Variants in SLC13A1 observed in about 807,000 individuals in gnomAD.
SLC13A1 encodes Na(+)/sulfate cotransporter.
In SLC13A1, 65 loss-of-function variants were observed where a neutral mutation model predicts 70.0. The observed-to-expected ratio is 0.93, with a 90% CI of 0.76 to 1.14. The LOEUF (loss-of-function observed/expected upper bound fraction) is 1.14, where lower values mean the gene tolerates loss of function less well. Ranked by LOEUF, SLC13A1 falls within the 50% of genes most tolerant of loss-of-function variation. SLC13A1 has a pLI of 0.00. For synonymous variants in SLC13A1, 275 were observed against 250.5 expected (o/e 1.10, Z -0.92); for missense variants, 726 against 717.8 (o/e 1.01, Z -0.13).
intron 6 of SLC13A1, among the ~76,000 whole-genome samples, chr7:123,154,296 C>A (rs1377388267): frequency 6.6e-6 from 1 of 152,106 alleles, no homozygotes; most frequent in African/African-American, 2.4e-5. Context: ...CTTCTGTCTA[C>A]CATACATGTG....
chr7:123,125,559 G>A lies in SLC13A1; in HGVS notation c.1240+10C>T. 1 of 1,565,804 alleles carries A rather than the reference G, an allele frequency of 6.4e-7. No individual in the cohort carries two copies. Among genetic ancestry groups the A allele is most frequent in the Middle Eastern group, 1.7e-4 (1 of 5,924 alleles). On this transcript the variant is annotated intron_variant, in intron 11 of 14. Transcript: ENST00000194130. Reference sequence around the variant, plus strand: ...GTTAAATTTATGCAGAATTATAAATGATACTCAACCAATTTCTCCTGTAGG... The same window carrying A: ...GTTAAATTTATGCAGAATTATAAATAATACTCAACCAATTTCTCCTGTAGG...
At chr7:123,188,171 G>A (rs918256126) in intron 1 of SLC13A1, among the ~76,000 whole-genome samples, 2 of 152,134 alleles carry the variant, frequency 1.3e-5, no homozygotes, top group African/African-American at 4.8e-5. Context: ...CATGAGATCT[G>A]ATGGTTTTAT....
intron 3 of SLC13A1, among the ~76,000 whole-genome samples, chr7:123,170,091 A>G (rs1795219177): frequency 6.6e-6 from 1 of 152,144 alleles, no homozygotes; most frequent in South Asian, 2.1e-4. Context: ...ATAAACTTTC[A>G]AAGTCACACT....
intron 2 of SLC13A1, among the ~76,000 whole-genome samples, chr7:123,175,321 C>A (rs946289845): frequency 1.3e-5 from 2 of 152,076 alleles, no homozygotes; most frequent in African/African-American, 2.4e-5. Flanking sequence ...AGTCTTCTTA[C>A]AGGAGCTGAT....
intron 14 of SLC13A1, among the ~76,000 whole-genome samples, chr7:123,116,440 A>G (rs1298226047): frequency 6.6e-6 from 1 of 152,184 alleles, no homozygotes; most frequent in Non-Finnish European, 1.5e-5. Context: ...GGCCTCAAAT[A>G]TCATTTGCCT....
chr7:123,145,525 G>T (rs1219467191), intron 7 of SLC13A1, among the ~76,000 whole-genome samples: 1 of 152,122 alleles, frequency 6.6e-6, no homozygotes, highest in Non-Finnish European at 1.5e-5. Flanking sequence ...ACTAAGATGT[G>T]GAATCCCTTC....
chr7:123,190,595 T>C (rs1376963835), intron 1 of SLC13A1: 2 of 456,590 alleles, frequency 4.4e-6, no homozygotes, highest in Non-Finnish European at 8.8e-6. Flanking sequence ...CATCTTCATC[T>C]TGGAAAAGTC....
intron 6 of SLC13A1, among the ~76,000 whole-genome samples, chr7:123,155,499 C>A (rs1310005798): frequency 6.6e-6 from 1 of 151,904 alleles, no homozygotes; most frequent in Non-Finnish European, 1.5e-5. Flanking sequence ...CTTCTTCTTG[C>A]ATAGTCTCTG....
intron 9 of SLC13A1, 37 bp from the exon 10 acceptor site, chr7:123,128,983 CTCAG>C: frequency 1.4e-6 from 2 of 1,383,860 alleles, no homozygotes; most frequent in Non-Finnish European, 2.1e-6. Flanking sequence ...TTCTTATTTT[CTCAG>C]TCGGGACATT....
chr7:123,198,287 C>A (rs1213646783), intron 1 of SLC13A1, among the ~76,000 whole-genome samples: 3 of 146,976 alleles, frequency 2.0e-5, no homozygotes, highest in African/African-American at 7.4e-5. Context: ...GGAGACCTCA[C>A]AAGGAGCCGG....
intron 1 of SLC13A1, among the ~76,000 whole-genome samples, chr7:123,196,054 A>G (rs1461251646): frequency 1.3e-5 from 2 of 152,112 alleles, no homozygotes; most frequent in African/African-American, 4.8e-5. Context: ...AAGAGTAAAA[A>G]TTAACAAAAT....
At chr7:123,161,551 G>T (rs1794901772) in intron 6 of SLC13A1, among the ~76,000 whole-genome samples, 1 of 152,144 alleles carries the variant, frequency 6.6e-6, no homozygotes, top group African/African-American at 2.4e-5. Flanking sequence ...TGAGCAGCTA[G>T]CTGCGATACA....
chr7:123,122,503 C>T (rs753452647), intron 12 of SLC13A1, among the ~76,000 whole-genome samples: 4 of 152,032 alleles, frequency 2.6e-5, no homozygotes, highest in Non-Finnish European at 5.9e-5. Context: ...TGAGGGCCTC[C>T]CCAAACTGTT....
intron 6 of SLC13A1, among the ~76,000 whole-genome samples, chr7:123,154,910 C>T (rs1794664257): frequency 6.6e-6 from 1 of 152,048 alleles, no homozygotes; most frequent in African/African-American, 2.4e-5. Flanking sequence ...AAAAGTCTGA[C>T]TGGATATTGA....
At chr7:123,169,950 C>T (rs1189685571) in intron 3 of SLC13A1, among the ~76,000 whole-genome samples, 1 of 152,238 alleles carries the variant, frequency 6.6e-6, no homozygotes, top group South Asian at 2.1e-4. Flanking sequence ...TTATGCTCCC[C>T]TGAATCTGAT....
At chr7:123,137,196 C>CCG (rs35388167) in intron 7 of SLC13A1, among the ~76,000 whole-genome samples, 1 of 151,930 alleles carries the variant, frequency 6.6e-6, no homozygotes, top group Admixed American at 6.6e-5. Context: ...AGAGTGGAAA[C>CCG]TGTGTGATGT....
chr7:123,139,785 T>C (rs552930547), intron 7 of SLC13A1, among the ~76,000 whole-genome samples: 1 of 152,238 alleles, frequency 6.6e-6, no homozygotes, highest in Non-Finnish European at 1.5e-5. Context: ...TTTACTGAAT[T>C]TGTTTATCAG....
chr7:123,186,749 T>C (rs918181268), intron 1 of SLC13A1: 21 of 455,896 alleles, frequency 4.6e-5, no homozygotes, highest in Admixed American at 1.4e-4. Flanking sequence ...TACAACTTAC[T>C]CTGCAACCGT....
At chr7:123,167,290 A>G (rs1466448669) in intron 6 of SLC13A1, among the ~76,000 whole-genome samples, 1 of 152,220 alleles carries the variant, frequency 6.6e-6, no homozygotes, top group Non-Finnish European at 1.5e-5. Flanking sequence ...TTCATGTTTT[A>G]TAGGAATTAT....
Sources: allele counts gnomAD v4.1 joint callset (sites outside exome capture counted in the v4.1 genomes callset), GRCh38; gene constraint gnomAD v4.1.1; transcripts MANE v1.5; gene names NCBI Gene and HGNC (gene_info 2026-07-23, HGNC 2026-07-21).